SPEG: variants seen among roughly 807,000 people sequenced by gnomAD.
SPEG encodes the protein striated muscle preferentially expressed protein kinase.
A neutral mutation model predicts 300.4 loss-of-function variants in SPEG; 114 were observed. That is an observed-to-expected ratio of 0.38 (90% confidence interval 0.33 to 0.44). The LOEUF (loss-of-function observed/expected upper bound fraction) is 0.44, where lower values mean the gene tolerates loss of function less well. Among genes scored for constraint, SPEG ranks in the 20% least tolerant of loss-of-function variants. The pLI is 1.00. For synonymous variants in SPEG, 1,964 were observed against 2,018.9 expected, an observed-to-expected ratio of 0.97 and a Z score of 0.73; for missense variants, 4,201 against 4,586.2, an observed-to-expected ratio of 0.92 and a Z score of 2.43.
In SPEG at chr2:219,483,788, T is replaced by A; in HGVS notation, c.6325T>A (p.Ser2109Thr). ...GGACCCCCGGATGGCACGAGCTGCC[T>A]CCAGCGAGGCAGCGCCCCACCACCA... ...ARDPRMARAA[S>T]SEAAPHHQPP... Residue 2109 changes from serine to threonine, a missense_variant, in exon 30 of 41, where the codon TCC (serine) becomes ACC (threonine). Physicochemically the swap from Ser to Thr is moderately conservative, Grantham distance 58. Around this residue, in one of 4 missense-constraint regions of SPEG, gnomAD observed 1,578 missense variants for 1,506.0 expected, o/e 1.05. Transcript: ENST00000312358. 1 of 1,562,722 alleles carries A rather than the reference T, an allele frequency of 6.4e-7. No individual in the cohort carries two copies. The highest frequency in any genetic ancestry group is 2.3e-5 in the East Asian group (1 of 42,726).
At position 219,444,713 on chromosome 2, in the gene SPEG, G is replaced by A. The variant is rs373672756; in HGVS notation, c.449G>A (p.Arg150Gln). The A allele has an allele frequency of 4.6e-5, 75 of 1,613,872 alleles. No homozygotes were observed. The highest frequency in any genetic ancestry group is 2.5e-4 in the Admixed American group (15 of 59,992). Reference protein sequence around the residue: ...DVQGTQRLELRDDGAFSTPTG... With the variant: ...DVQGTQRLELQDDGAFSTPTG... ...CAGGGAACCCAGCGCCTGGAGCTTC[G>A]GGATGACGGGGCCTTCAGCACCCCC... Residue 150 changes from arginine (R) to glutamine (Q), a missense_variant, in exon 2 of 41, where the codon CGG becomes CAG. Around this residue, in one of 4 missense-constraint regions of SPEG, gnomAD observed 1,258 missense variants for 1,293.9 expected, o/e 0.97. Transcript: ENST00000312358. This position sits in a 1 kb window ranked among gnomAD's most constrained non-coding sequence, Gnocchi z 7.8.
chr2:219,435,174 T>C lies in SPEG; in HGVS notation c.197T>C (p.Val66Ala). 6.8e-7 allele frequency: 1 copy of C among 1,477,178 alleles called. No homozygotes were observed. Among genetic ancestry groups the C allele is most frequent in the Non-Finnish European group, 8.9e-7 (1 of 1,123,540 alleles). 91.5% of individuals were successfully genotyped at this position (1,477,178 alleles called of 1,614,324 possible). A position where few individuals can be genotyped will look rare whatever the true frequency, so the allele number is the denominator to read the frequency against. The change falls in exon 1 of 41, where the codon GTG becomes GCG. Residue 66 changes from valine to alanine, a missense_variant. Val to Ala is a moderately conservative substitution (Grantham distance 64). Around this residue, in one of 4 missense-constraint regions of SPEG, gnomAD observed 1,258 missense variants for 1,293.9 expected, o/e 0.97. Coordinates refer to ENST00000312358, the MANE Select transcript of SPEG (RefSeq NM_005876.5). Reference protein sequence around the residue: ...AGSDVRLRVVVSGTPQPSLRW... With the variant: ...AGSDVRLRVVASGTPQPSLRW... ...AGCGACGTGCGGCTGCGGGTGGTGGTGAGCGGGACGCCCCAGCCCAGCCTC... is the reference window on the plus strand; with the variant it reads ...AGCGACGTGCGGCTGCGGGTGGTGGCGAGCGGGACGCCCCAGCCCAGCCTC...
At position 219,479,558 on chromosome 2, in the gene SPEG, G is replaced by A. The variant is rs1692639152; in HGVS notation, c.5086-225G>A. On this transcript the variant is annotated intron_variant, in intron 23 of 40. Transcript: ENST00000312358. This position sits in a 1 kb window ranked among gnomAD's most constrained non-coding sequence, Gnocchi z 5.5. ...CGTCAGGCTGTACATGTTGTGCACT[G>A]CACAATTCTACTTATTACCACGCAA... Among the ~76,000 whole-genome samples the A allele has an allele frequency of 6.6e-6, 1 of 152,158 alleles. No individual in the cohort carries two copies. Among genetic ancestry groups the A allele is most frequent in the South Asian group, 2.1e-4 (1 of 4,824 alleles).
In SPEG at chr2:219,448,822, C is replaced by A; in HGVS notation, c.1664C>A (p.Pro555Gln). 7.1e-7 allele frequency: 1 copy of A among 1,401,824 alleles called. No individual in the cohort carries two copies. The highest frequency in any genetic ancestry group is 3.0e-5 in the East Asian group (1 of 33,330). The allele number at this position is 1,401,824 out of a possible 1,614,324, so 86.8% of individuals were successfully genotyped here. The change falls in exon 4 of 41, where the codon CCG becomes CAG. Residue 555 changes from proline (P) to glutamine (Q), a missense_variant. Pro to Gln is a moderately conservative substitution (Grantham distance 76). This residue lies in a region of SPEG where 1,258 missense variants were observed against 1,293.9 expected (regional missense o/e 0.97). Transcript: ENST00000312358. Reference protein sequence around the residue: ...SRAVSPAAAQPPSPSSAEKPG... With the variant: ...SRAVSPAAAQQPSPSSAEKPG... Reference sequence around the variant, plus strand: ...GCCGTGAGCCCCGCCGCCGCCCAGCCGCCCTCTCCGAGCAGCGCGGAGAAG... The same window carrying A: ...GCCGTGAGCCCCGCCGCCGCCCAGCAGCCCTCTCCGAGCAGCGCGGAGAAG...
rs1689042007 is a variant in SPEG at position 219,443,057 on chromosome 2, C to A, written c.389-1596C>A. On this transcript the variant is annotated intron_variant, in intron 1 of 40. Transcript: ENST00000312358. The surrounding 1 kb of genome is among the most constrained non-coding windows in gnomAD (Gnocchi z 4.6). ...AGGTCTGGATGGGAGGCACAGGGAC[C>A]TTAGGAACAAGCCTCCCCCTCAACT... 1.3e-6 allele frequency: 2 copies of A among 1,536,918 alleles called. No individual in the cohort carries two copies. The highest frequency in any genetic ancestry group is 3.4e-5 in the Admixed American group (2 of 58,946).
chr2:219,462,036 C>T lies in SPEG; in HGVS notation c.2595C>T (p.Ser865=), dbSNP rs1690751734. The T allele has an allele frequency of 5.0e-6, 8 of 1,607,456 alleles. No homozygotes were observed. Among genetic ancestry groups the T allele is most frequent in the Admixed American group, 1.7e-5 (1 of 58,296 alleles). Residue 865 remains serine, a synonymous_variant, in exon 7 of 41, where the codon TCC becomes TCT. Coordinates refer to ENST00000312358, the MANE Select transcript of SPEG (RefSeq NM_005876.5). The stretch of plus-strand genomic sequence containing the variant: ...ACCGCCGTTCTTCTGACACTGGCTC[C>T]AAGGCACCCCCCACCTTCAAGGTCA... ...SQNRRSSDTG[S]KAPPTFKVSL... is the part of the protein sequence containing the mutation.
intron 31 of SPEG, among the ~76,000 whole-genome samples, chr2:219,487,049 C>G (rs1168978808): frequency 6.6e-6 from 1 of 152,112 alleles, no homozygotes; most frequent in African/African-American, 2.4e-5. Flanking sequence ...CTGGGGCTCA[C>G]AAGGCTCCTC....
At chr2:219,465,795 G>A in intron 9 of SPEG, 1 of 585,074 alleles carries the variant, frequency 1.7e-6, no homozygotes, top group Non-Finnish European at 3.1e-6. Context: ...AGGTCTGCGT[G>A]CCTGTGCGTG....
At chr2:219,490,272 G>A in intron 36 of SPEG, 137 bp from the exon 37 acceptor site, 1 of 1,271,692 alleles carries the variant, frequency 7.9e-7, no homozygotes, top group Non-Finnish European at 1.1e-6. Flanking sequence ...TGGTTTCTAG[G>A]ATTGAACTCT....
At chr2:219,442,689 C>G (rs1225833268) in intron 1 of SPEG, among the ~76,000 whole-genome samples, 1 of 144,618 alleles carries the variant, frequency 6.9e-6, no homozygotes, top group Non-Finnish European at 1.5e-5. Flanking sequence ...CCTCCATCTC[C>G]CAGTCACTCA....
rs771977742 is a variant in SPEG at position 219,484,238 on chromosome 2, C to G, written c.6775C>G (p.Gln2259Glu). The G allele has an allele frequency of 1.9e-5, 30 of 1,611,574 alleles. No individual in the cohort carries two copies. The highest frequency in any genetic ancestry group is 2.5e-5 in the Non-Finnish European group (30 of 1,179,902). Reference protein sequence around the residue: ...IQSLQLSGHAQGPSQGPAAPP... With the variant: ...IQSLQLSGHAEGPSQGPAAPP... ...GTCCCTCCAGCTGTCAGGCCACGCC[C>G]AGGGCCCCTCGCAGGGCCCTGCCGC... is the stretch of plus-strand genomic sequence containing the variant. Residue 2259 changes from glutamine (Q) to glutamate (E), a missense_variant, in exon 30 of 41, where the codon CAG becomes GAG. Physicochemically the swap from Gln to Glu is conservative, Grantham distance 29. Coordinates refer to ENST00000312358, the MANE Select transcript of SPEG (RefSeq NM_005876.5).
rs749872640 is a variant in SPEG at position 219,469,365 on chromosome 2, G to T, written c.3701G>T (p.Arg1234Leu). Residue 1234 changes from arginine (R) to leucine (L), a missense_variant, in exon 13 of 41, where the codon CGG (arginine) becomes CTG (leucine). Transcript: ENST00000312358. The part of the protein sequence containing the change: ...NGHRIQSSDD[R>L]RMTQYRDVHR... ...CACCGCATCCAGAGCAGCGACGACC[G>T]GCGCATGACACAGTGTACGTGTCTG... 5 of 1,613,452 alleles carry T rather than the reference G, an allele frequency of 3.1e-6. No homozygotes were observed. The highest frequency in any genetic ancestry group is 4.2e-6 in the Non-Finnish European group (5 of 1,179,772).
Position 219,462,066 on chromosome 2 carries a change from C to G in SPEG, c.2616+9C>G, listed in dbSNP as rs377719499. On this transcript the variant is annotated intron_variant, in intron 7 of 40. Coordinates refer to ENST00000312358, the MANE Select transcript of SPEG (RefSeq NM_005876.5). ...CACCCCCCACCTTCAAGGTCAGACCCCTGAGGCTGGGGCCTAGCCTCCTGT... is the reference window on the plus strand; with the variant it reads ...CACCCCCCACCTTCAAGGTCAGACCGCTGAGGCTGGGGCCTAGCCTCCTGT... 218 of 1,592,628 alleles carry G rather than the reference C, an allele frequency of 1.4e-4. No individual in the cohort carries two copies. The highest frequency in any genetic ancestry group is 2.0e-4 in the Middle Eastern group (1 of 5,098).
chr2:219,449,262 C>G lies in SPEG; in HGVS notation c.2104C>G (p.Pro702Ala). The change falls in exon 4 of 41, where the codon CCT becomes GCT. Residue 702 changes from proline (P) to alanine (A), a missense_variant. Pro to Ala is a conservative substitution (Grantham distance 27). Around this residue, in one of 4 missense-constraint regions of SPEG, gnomAD observed 1,258 missense variants for 1,293.9 expected, o/e 0.97. Coordinates refer to ENST00000312358, the MANE Select transcript of SPEG (RefSeq NM_005876.5). ...AGGTCGCCGGGCCCGGCCCACCTCC[C>G]CTGAGCTCGGTAAGGCCTCAGGGAG... ...GKGRRARPTS[P>A]ELESSDDSYV... The G allele has an allele frequency of 7.2e-7, 1 of 1,387,610 alleles. No homozygotes were observed. The highest frequency in any genetic ancestry group is 9.3e-7 in the Non-Finnish European group (1 of 1,071,982). 86.0% of individuals were successfully genotyped at this position (1,387,610 alleles called of 1,614,324 possible).
intron 14 of SPEG, 57 bp downstream of exon 14, chr2:219,472,044 TGG>T: frequency 6.3e-7 from 1 of 1,597,834 alleles, no homozygotes; most frequent in Non-Finnish European, 8.5e-7. Flanking sequence ...TGGCACTACG[TGG>T]GGGCTCAGGG....
At chr2:219,449,881 G>A (rs1689613316) in intron 4 of SPEG, among the ~76,000 whole-genome samples, 1 of 152,086 alleles carries the variant, frequency 6.6e-6, no homozygotes, top group East Asian at 1.9e-4. Context: ...GCCTGCCTGT[G>A]TGTTGTCTCC....
intron 15 of SPEG, among the ~76,000 whole-genome samples, chr2:219,472,538 A>G (rs1691978711): frequency 6.6e-6 from 1 of 152,158 alleles, no homozygotes; most frequent in Non-Finnish European, 1.5e-5. Flanking sequence ...GGGCACTGCC[A>G]CATTCCCTTC....
intron 31 of SPEG, 90 bp downstream of exon 31, chr2:219,485,567 G>T: frequency 7.2e-7 from 1 of 1,391,054 alleles, no homozygotes; most frequent in South Asian, 1.6e-5. Context: ...TGAGAGGTGG[G>T]CCACCTTGAC....
In SPEG at chr2:219,464,523, A is replaced by G. The variant is rs767957740; in HGVS notation, c.2796A>G (p.Ala932=). The change falls in exon 9 of 41, where the codon GCA becomes GCG. Residue 932 remains alanine, a synonymous_variant. Coordinates refer to ENST00000312358, the MANE Select transcript of SPEG (RefSeq NM_005876.5). This position sits in a 1 kb window ranked among gnomAD's most constrained non-coding sequence, Gnocchi z 4.5. ...GGLCRLRILA[A]ERGDAGFYTC... ...TGTGCCGGCTGCGGATCCTGGCTGC[A>G]GAGCGTGGCGATGCTGGTTTCTACA... The G allele has an allele frequency of 5.0e-6, 8 of 1,614,130 alleles. No individual in the cohort carries two copies. Among genetic ancestry groups the G allele is most frequent in the African/African-American group, 1.3e-5 (1 of 74,956 alleles).
Sources: allele counts gnomAD v4.1 joint callset (sites outside exome capture counted in the v4.1 genomes callset), GRCh38; gene constraint gnomAD v4.1.1; regional missense constraint gnomAD v4.1.1; non-coding constraint Gnocchi (gnomAD v3.1); transcripts MANE v1.5; gene names NCBI Gene and HGNC (gene_info 2026-07-23, HGNC 2026-07-21).